The following UBE2E2 variants were observed in gnomAD, a reference collection of about 807,000 sequenced individuals.
UBE2E2 encodes the protein ubiquitin conjugating enzyme E2 E2.
UBE2E2 carries 6 observed loss-of-function variants against 24.7 expected under a neutral mutation model. The ratio of observed to expected loss-of-function variants is 0.24; its 90% CI spans 0.13 to 0.48. UBE2E2 has a LOEUF of 0.48. UBE2E2 is among the 20% of genes least tolerant of loss of function. UBE2E2 has a pLI of 0.99. For synonymous variants in UBE2E2, 104 were observed against 83.6 expected, an observed-to-expected ratio of 1.24 and a Z score of -1.33; for missense variants, 169 against 245.0, an observed-to-expected ratio of 0.69 and a Z score of 2.07.
At chr3:23,433,162 C>A (rs892426611) in intron 3 of UBE2E2, among the ~76,000 whole-genome samples, 2 of 151,850 alleles carry the variant, frequency 1.3e-5, no homozygotes, top group African/African-American at 4.8e-5. Flanking sequence ...GTATGCCAGG[C>A]ACTGTTTCAG....
intron 3 of UBE2E2, among the ~76,000 whole-genome samples, chr3:23,471,995 T>A: frequency 7.0e-6 from 1 of 143,458 alleles, no homozygotes; most frequent in East Asian, 2.0e-4. Context: ...GATAAAAGAA[T>A]ACAGGGCAAA....
chr3:23,378,569 T>C (rs35236373), intron 3 of UBE2E2, among the ~76,000 whole-genome samples: 15,369 of 152,274 alleles, frequency 0.1, 913 homozygotes, highest in East Asian at 0.13. Context: ...TGTACCTATA[T>C]GTAAAATATT....
chr3:23,246,710 G>C (rs935382362), intron 3 of UBE2E2, among the ~76,000 whole-genome samples: 1 of 151,712 alleles, frequency 6.6e-6, no homozygotes, highest in Admixed American at 6.6e-5. Flanking sequence ...GTAGTACCTG[G>C]TTATTATCGG....
Position 23,376,091 on chromosome 3 carries a change from G to C in UBE2E2, c.228-123517G>C. Among the ~76,000 whole-genome samples, 3 of 152,230 alleles carry C rather than the reference G, an allele frequency of 2.0e-5. No individual in the cohort carries two copies. The South Asian group carries it at 6.2e-4, about 32-fold the overall frequency. ...TTTTAAAGGAGTTGTTTATACAAAG[G>C]AATCTTAATAAATTAAATGTATGTG... On this transcript the variant is annotated intron_variant, in intron 3 of 5. Coordinates refer to ENST00000396703, the MANE Select transcript of UBE2E2 (RefSeq NM_152653.4).
chr3:23,433,895 G>A (rs34894979), intron 3 of UBE2E2, among the ~76,000 whole-genome samples: 9,113 of 151,872 alleles, frequency 0.06, 439 homozygotes, highest in Non-Finnish European at 0.087. Context: ...AAATTTTTAA[G>A]TTACCTCGTT....
intron 3 of UBE2E2, among the ~76,000 whole-genome samples, chr3:23,254,519 A>G (rs1205537184): frequency 6.6e-6 from 1 of 152,230 alleles, no homozygotes; most frequent in African/African-American, 2.4e-5. Context: ...CTCAAGGGAC[A>G]TGTTGACCAG....
intron 3 of UBE2E2, among the ~76,000 whole-genome samples, chr3:23,434,474 A>G (rs1178046945): frequency 6.6e-6 from 1 of 152,144 alleles, no homozygotes; most frequent in Admixed American, 6.5e-5. Flanking sequence ...TACGAAACAG[A>G]TACTCCCAAA....
intron 3 of UBE2E2, among the ~76,000 whole-genome samples, chr3:23,325,481 G>A (rs529822761): frequency 6.6e-5 from 10 of 152,266 alleles, no homozygotes; most frequent in Non-Finnish European, 1.2e-4. Flanking sequence ...TTGAACACTT[G>A]TAGGTCCTTT....
chr3:23,466,149 G>A (rs1274266373), intron 3 of UBE2E2, among the ~76,000 whole-genome samples: 2 of 152,128 alleles, frequency 1.3e-5, no homozygotes, highest in African/African-American at 2.4e-5. Context: ...TTAATTTTCT[G>A]TTAGGAAAAG....
At chr3:23,322,915 A>G (rs1575560370) in intron 3 of UBE2E2, among the ~76,000 whole-genome samples, 1 of 151,950 alleles carries the variant, frequency 6.6e-6, no homozygotes, top group East Asian at 1.9e-4. Context: ...AGGATTATAT[A>G]TTTATATATT....
At chr3:23,560,412 C>T (rs1465431109) in intron 5 of UBE2E2, among the ~76,000 whole-genome samples, 1 of 152,142 alleles carries the variant, frequency 6.6e-6, no homozygotes, top group Non-Finnish European at 1.5e-5. Flanking sequence ...TTTTTTATGG[C>T]TGCATAATAT....
chr3:23,258,840 C>T (rs1411788540), intron 3 of UBE2E2, among the ~76,000 whole-genome samples: 1 of 130,256 alleles, frequency 7.7e-6, no homozygotes, highest in Non-Finnish European at 1.6e-5. Flanking sequence ...TTGCATTGAG[C>T]TGAGATTGTT....
At chr3:23,506,842 A>G (rs898520578) in intron 4 of UBE2E2, among the ~76,000 whole-genome samples, 2 of 152,138 alleles carry the variant, frequency 1.3e-5, no homozygotes, top group African/African-American at 4.8e-5. Context: ...CATGTTGCCC[A>G]GGCTGATCTC....
intron 3 of UBE2E2, among the ~76,000 whole-genome samples, chr3:23,369,202 G>A (rs1189804088): frequency 1.3e-5 from 2 of 152,122 alleles, no homozygotes; most frequent in Non-Finnish European, 2.9e-5. Flanking sequence ...ATATCAAATA[G>A]TATATAAGGA....
intron 3 of UBE2E2, among the ~76,000 whole-genome samples, chr3:23,458,737 C>T (rs1698739059): frequency 6.6e-6 from 1 of 151,980 alleles, no homozygotes; most frequent in Admixed American, 6.6e-5. Flanking sequence ...GTTCACAGAT[C>T]TCATACTAAT....
chr3:23,444,285 G>T (rs2125410844), intron 3 of UBE2E2, among the ~76,000 whole-genome samples: 1 of 152,156 alleles, frequency 6.6e-6, no homozygotes, highest in East Asian at 1.9e-4. Flanking sequence ...TTGTGTAGCT[G>T]CAGTCTTTGC....
At chr3:23,362,614 G>C (rs890085950) in intron 3 of UBE2E2, among the ~76,000 whole-genome samples, 1 of 152,112 alleles carries the variant, frequency 6.6e-6, no homozygotes, top group Admixed American at 6.5e-5. Flanking sequence ...AGATGGCAGG[G>C]TGGGCCACCC....
chr3:23,429,643 T>TA (rs776281588), intron 3 of UBE2E2, among the ~76,000 whole-genome samples: 3 of 152,200 alleles, frequency 2.0e-5, no homozygotes, highest in African/African-American at 4.8e-5. Flanking sequence ...ATTCTGCTCT[T>TA]ACAGCATTGT....
intron 2 of UBE2E2, 133 bp from the exon 3 acceptor site, chr3:23,217,129 A>T (rs1177374697): frequency 1.8e-5 from 15 of 843,744 alleles, no homozygotes; most frequent in Non-Finnish European, 2.7e-5. Context: ...GTTGGATGTG[A>T]TTCTTTATAC....
Sources: gnomAD v4.1 joint callset for allele counts (sites outside exome capture counted in the v4.1 genomes callset) on GRCh38, gnomAD v4.1.1 for gene constraint, MANE v1.5 for transcripts, NCBI Gene and HGNC (gene_info 2026-07-23, HGNC 2026-07-21) for gene names.